Variants in ARMH3 observed in about 807,000 individuals in gnomAD.
The protein encoded by ARMH3 is armadillo like helical domain containing 3.
ARMH3 carries 60 observed loss-of-function variants against 99.1 expected under a neutral mutation model. The ratio of observed to expected loss-of-function variants is 0.61; its 90% CI spans 0.49 to 0.75. ARMH3 has a LOEUF of 0.75. Among genes scored for constraint, ARMH3 ranks in the 30% least tolerant of loss-of-function variants. ARMH3 has a pLI of 0.00. For missense variants in ARMH3, 679 were observed against 843.1 expected, an observed-to-expected ratio of 0.81 and a Z score of 2.41; for synonymous variants, 285 against 292.8, an observed-to-expected ratio of 0.97 and a Z score of 0.27.
chr10:101,858,401 G>A (rs2066782972), intron 24 of ARMH3, among the ~76,000 whole-genome samples: 1 of 152,114 alleles, frequency 6.6e-6, no homozygotes, highest in Non-Finnish European at 1.5e-5. Context: ...ATATATAGCT[G>A]GTTCTGAGGA....
chr10:101,986,447 C>CT (rs200933112), intron 19 of ARMH3, among the ~76,000 whole-genome samples: 247 of 144,520 alleles, frequency 1.7e-3, no homozygotes, highest in Non-Finnish European at 1.7e-3. Context: ...CAAGACCTTT[C>CT]TTTTTTTTTT....
intron 2 of ARMH3, 80 bp from the exon 3 acceptor site, chr10:102,033,419 G>C: frequency 1.5e-6 from 2 of 1,360,220 alleles, no homozygotes; most frequent in Non-Finnish European, 1.0e-6. Flanking sequence ...GTCAACCTTA[G>C]TTTTCTTTTT....
chr10:101,934,101 T>C (rs908574177), intron 23 of ARMH3, among the ~76,000 whole-genome samples: 1 of 152,198 alleles, frequency 6.6e-6, no homozygotes, highest in Admixed American at 6.5e-5. Context: ...TCCTGTGACA[T>C]TCAGAATTCT....
intron 2 of ARMH3, among the ~76,000 whole-genome samples, chr10:102,036,291 G>C (rs1197499729): frequency 2.7e-5 from 4 of 149,818 alleles, no homozygotes; most frequent in Non-Finnish European, 1.5e-5. Context: ...GCCCCGTCCA[G>C]GAGGTGGGGG....
intron 15 of ARMH3, among the ~76,000 whole-genome samples, chr10:101,998,301 C>G (rs990142048): frequency 6.6e-6 from 1 of 152,170 alleles, no homozygotes; most frequent in African/African-American, 2.4e-5. Context: ...CATAAAGAAG[C>G]AATGGCTTCA....
chr10:102,047,103 T>A (rs1163405887), intron 1 of ARMH3, among the ~76,000 whole-genome samples: 1 of 152,180 alleles, frequency 6.6e-6, no homozygotes, highest in Non-Finnish European at 1.5e-5. Flanking sequence ...AATCTGAGTG[T>A]CTAGTCAAGT....
At chr10:101,987,992 T>C (rs1256764481) in intron 19 of ARMH3, among the ~76,000 whole-genome samples, 1 of 152,238 alleles carries the variant, frequency 6.6e-6, no homozygotes, top group Non-Finnish European at 1.5e-5. Context: ...GTATGCATAT[T>C]ACCTTTATTC....
At chr10:101,973,717 A>C (rs989610866) in intron 20 of ARMH3, among the ~76,000 whole-genome samples, 1 of 152,224 alleles carries the variant, frequency 6.6e-6, no homozygotes, top group Non-Finnish European at 1.5e-5. Flanking sequence ...GACAAAAAGG[A>C]AAGAAAATAG....
At chr10:101,996,371 A>G (rs975302880) in intron 15 of ARMH3, among the ~76,000 whole-genome samples, 1 of 152,310 alleles carries the variant, frequency 6.6e-6, no homozygotes, top group African/African-American at 2.4e-5. Flanking sequence ...AATGGGATCT[A>G]TCAATTAAAA....
At chr10:101,930,323 TAA>T (rs1414903148) in intron 23 of ARMH3, among the ~76,000 whole-genome samples, 2 of 152,060 alleles carry the variant, frequency 1.3e-5, no homozygotes, top group African/African-American at 4.8e-5. Flanking sequence ...TTCAACCTGA[TAA>T]AGAGTATCTA....
intron 8 of ARMH3, 116 bp from the exon 9 acceptor site, chr10:102,014,140 T>C (rs1212768007): frequency 1.4e-6 from 1 of 729,476 alleles, no homozygotes; most frequent in African/African-American, 1.8e-5. Flanking sequence ...ACAGTGATGC[T>C]CCTGATACAC....
intron 23 of ARMH3, among the ~76,000 whole-genome samples, chr10:101,901,217 T>C (rs1279547966): frequency 6.8e-6 from 1 of 147,592 alleles, no homozygotes; most frequent in Non-Finnish European, 1.5e-5. Context: ...GATTCCATAC[T>C]AGATAGCAGT....
Position 101,992,047 on chromosome 10 carries a change from C to CA in ARMH3, c.1276-10dup, listed in dbSNP as rs1325551991. 2.5e-6 allele frequency: 4 copies of CA among 1,612,924 alleles called. No individual in the cohort carries two copies. Among genetic ancestry groups the CA allele is most frequent in the East Asian group, 2.2e-5 (1 of 44,862 alleles). On this transcript the variant is annotated splice_polypyrimidine_tract_variant and intron_variant, in intron 17 of 25. Coordinates refer to ENST00000370033, the MANE Select transcript of ARMH3 (RefSeq NM_024541.3). ...TTCCTGTGTCTCATAGGCTTCACAC[C>CA]AAAAAAATGAAGAAAGGAAATTAGT... is the stretch of plus-strand genomic sequence containing the variant.
rs1564845607 is a variant in ARMH3 at position 102,009,974 on chromosome 10, T to C, written c.878+3A>G. The C allele has an allele frequency of 3.7e-6, 6 of 1,613,706 alleles. No individual in the cohort carries two copies. The highest frequency in any genetic ancestry group is 1.1e-5 in the South Asian group (1 of 91,004). On this transcript the variant is annotated splice_donor_region_variant and intron_variant, in intron 12 of 25. Coordinates refer to ENST00000370033, the MANE Select transcript of ARMH3 (RefSeq NM_024541.3). ...TCACTGCACAAGAATGTCAGGCACT[T>C]ACTGTACTGAGATTTTCTCATGGGC...
chr10:101,975,620 C>T (rs1845959916), intron 19 of ARMH3, among the ~76,000 whole-genome samples: 1 of 152,038 alleles, frequency 6.6e-6, no homozygotes, highest in Non-Finnish European at 1.5e-5. Context: ...AATCCCAGCA[C>T]TTTGGGAGGC....
chr10:101,934,929 G>A (rs986882999), intron 23 of ARMH3, among the ~76,000 whole-genome samples: 10 of 151,850 alleles, frequency 6.6e-5, no homozygotes, highest in African/African-American at 1.9e-4. Flanking sequence ...CCAAATTTCA[G>A]GATAAGTTTA....
intron 24 of ARMH3, among the ~76,000 whole-genome samples, chr10:101,856,947 T>TG (rs1466551557): frequency 1.3e-5 from 2 of 152,180 alleles, no homozygotes; most frequent in Non-Finnish European, 2.9e-5. Context: ...AGTTGGGTAA[T>TG]GGAGTTTATT....
chr10:101,874,371 T>C (rs1053146471), intron 24 of ARMH3, among the ~76,000 whole-genome samples: 2 of 152,204 alleles, frequency 1.3e-5, no homozygotes, highest in Admixed American at 6.5e-5. Context: ...ATATTCCATT[T>C]TGGGTTGGGA....
intron 20 of ARMH3, among the ~76,000 whole-genome samples, chr10:101,964,528 T>C (rs1845450638): frequency 6.6e-6 from 1 of 152,208 alleles, no homozygotes; most frequent in South Asian, 2.1e-4. Flanking sequence ...TATATACATA[T>C]GGCAGAATAT....
Sources: allele counts gnomAD v4.1 joint callset (sites outside exome capture counted in the v4.1 genomes callset), GRCh38; gene constraint gnomAD v4.1.1; transcripts MANE v1.5; gene names NCBI Gene and HGNC (gene_info 2026-07-23, HGNC 2026-07-21).